The following ARHGAP36 variants were observed in gnomAD, a reference collection of about 807,000 sequenced individuals.
The protein encoded by ARHGAP36 is rho GTPase-activating protein 36.
Under a neutral mutation model 32.9 loss-of-function variants are expected in ARHGAP36, and 7 were observed. That is an observed-to-expected ratio of 0.21 (90% CI 0.12 to 0.40). The LOEUF (loss-of-function observed/expected upper bound fraction) is 0.40, where lower values mean the gene tolerates loss of function less well. ARHGAP36 is among the 10% of genes least tolerant of loss of function. The pLI, the probability that ARHGAP36 is intolerant of heterozygous loss-of-function variation, is 1.00. For missense variants in ARHGAP36, 383 were observed against 442.2 expected (o/e 0.87, Z 1.20); for synonymous variants, 165 against 168.3 (o/e 0.98, Z 0.15).
At chrX:131,075,400 T>C (rs564196148) in intron 1 of ARHGAP36, among the ~76,000 whole-genome samples, 2 of 110,677 alleles carry the variant, frequency 1.8e-5, no homozygotes, top group Admixed American at 1.9e-4. Flanking sequence ...CACAGGACCT[T>C]GCCAGGATAC....
chrX:131,069,506 C>T (rs1397415507), intron 1 of ARHGAP36, among the ~76,000 whole-genome samples: 1 of 111,000 alleles, frequency 9.0e-6, no homozygotes, highest in Non-Finnish European at 1.9e-5. Context: ...CAGAGGATGT[C>T]CATTCCCTCC....
intron 1 of ARHGAP36, among the ~76,000 whole-genome samples, chrX:131,071,037 TTG>T (rs1421496859): frequency 9.0e-6 from 1 of 111,166 alleles, no homozygotes; most frequent in African/African-American, 3.3e-5. Context: ...CTCCAATGTT[TTG>T]TGTTTTATCA....
intron 1 of ARHGAP36, among the ~76,000 whole-genome samples, chrX:131,077,412 CT>C (rs1188585503): frequency 2.8e-5 from 3 of 107,779 alleles, no homozygotes; most frequent in Admixed American, 9.8e-5. Context: ...GCAGTCCCTG[CT>C]TTTTTTTTTC....
chrX:131,078,106 A>AT (rs1313939410), intron 1 of ARHGAP36, among the ~76,000 whole-genome samples: 5 of 110,633 alleles, frequency 4.5e-5, no homozygotes, highest in Admixed American at 9.6e-5. Context: ...TTGAAACATG[A>AT]TTTTTTTTGT....
Position 131,083,738 on chromosome X carries a change from A to G in ARHGAP36, c.324A>G (p.Val108=). The G allele has an allele frequency of 8.3e-7, 1 of 1,210,482 alleles. No homozygotes were observed. Among genetic ancestry groups the G allele is most frequent in the Non-Finnish European group, 1.1e-6 (1 of 894,457 alleles). ...CTTTCTCTCGTGGCTCCCCAGCTGT[A>G]TCACACAAGACATTTGGCATTAGCC... ...FLILRGQQRA[V]SHKTFGISLE... The change falls in exon 4 of 12, where the codon GTA becomes GTG. Residue 108 remains valine, a synonymous_variant. Transcript: ENST00000276211.
At chrX:131,079,743 G>C (rs530325370) in intron 1 of ARHGAP36, among the ~76,000 whole-genome samples, 1 of 110,621 alleles carries the variant, frequency 9.0e-6, no homozygotes. Context: ...CAGTAAAGTT[G>C]TATGTAACTA....
intron 1 of ARHGAP36, among the ~76,000 whole-genome samples, chrX:131,080,452 G>C (rs113044550): frequency 9.0e-6 from 1 of 110,756 alleles, no homozygotes; most frequent in Non-Finnish European, 1.9e-5. Flanking sequence ...AATCTTTAGC[G>C]CCTGGCACAA....
chrX:131,067,734 A>C (rs1440208461), intron 1 of ARHGAP36, among the ~76,000 whole-genome samples: 3 of 111,427 alleles, frequency 2.7e-5, no homozygotes, highest in Non-Finnish European at 5.7e-5. Context: ...CGTCCACACC[A>C]CACACATGAG....
chrX:131,059,928 A>G (rs761376109), intron 1 of ARHGAP36, among the ~76,000 whole-genome samples: 7 of 111,597 alleles, frequency 6.3e-5, no homozygotes, highest in Non-Finnish European at 9.4e-5. Context: ...GAGGGAGTCC[A>G]TATTACACCA....
In ARHGAP36 at chrX:131,083,243, T is replaced by C. The variant is rs2079814858; in HGVS notation, c.319+13T>C. ...GGACAGCAGAGGGGTGAGGGGGCTC[T>C]TGTATTTTCTTTAGAAAAGAAATAG... On this transcript the variant is annotated intron_variant, in intron 3 of 11. Transcript: ENST00000276211. The C allele has an allele frequency of 8.4e-7, 1 of 1,197,350 alleles. No individual in the cohort carries two copies. Among genetic ancestry groups the C allele is most frequent in the South Asian group, 1.8e-5 (1 of 54,758 alleles).
chrX:131,071,258 C>A (rs778168603), intron 1 of ARHGAP36, among the ~76,000 whole-genome samples: 25 of 110,884 alleles, frequency 2.3e-4, no homozygotes, highest in African/African-American at 7.9e-4. Flanking sequence ...CAAACTGCTG[C>A]TCCCTCCCTT....
At chrX:131,062,696 T>C (rs1169904192) in intron 1 of ARHGAP36, among the ~76,000 whole-genome samples, 1 of 112,382 alleles carries the variant, frequency 8.9e-6, no homozygotes, top group East Asian at 2.8e-4. Flanking sequence ...ATGCTTTCTA[T>C]GGCTCAGTTA....
At chrX:131,080,610 T>C (rs1053951003) in intron 1 of ARHGAP36, among the ~76,000 whole-genome samples, 11 of 112,102 alleles carry the variant, frequency 9.8e-5, no homozygotes, top group Admixed American at 8.4e-4. Flanking sequence ...TAGTATAAGA[T>C]AGTGGGCATC....
At chrX:131,080,952 T>TA (rs752114124) in intron 1 of ARHGAP36, among the ~76,000 whole-genome samples, 2 of 112,266 alleles carry the variant, frequency 1.8e-5, no homozygotes, top group South Asian at 3.7e-4. Context: ...TATTTGTTGT[T>TA]AAAAAACTCT....
chrX:131,062,299 T>C (rs150716635), intron 1 of ARHGAP36, among the ~76,000 whole-genome samples: 3,366 of 112,381 alleles, frequency 0.03, 123 homozygotes, highest in African/African-American at 0.1. Context: ...CTATGTTTTC[T>C]AAAGTCTATG....
intron 1 of ARHGAP36, among the ~76,000 whole-genome samples, chrX:131,062,349 T>C (rs1304563533): frequency 8.9e-6 from 1 of 112,189 alleles, no homozygotes; most frequent in Non-Finnish European, 1.9e-5. Flanking sequence ...TAAAAAGGCA[T>C]ACAAGGGTAA....
intron 2 of ARHGAP36, 129 bp downstream of exon 2, chrX:131,082,047 CTGGCGTCTG>C: frequency 1.2e-6 from 1 of 856,922 alleles, no homozygotes; most frequent in Non-Finnish European, 1.6e-6. Context: ...ATCAGTTCTC[CTGGCGTCTG>C]GGGAACTGAA....
At position 131,058,413 on chromosome X, in the gene ARHGAP36, C is replaced by G. The variant is rs961029418; in HGVS notation, c.-174C>G. ...TGGCGTGGATACTGGACTGCCTTTT[C>G]GCCTCGGCCTTTGAGCCCCGCCCCC... is the stretch of plus-strand genomic sequence containing the variant. On this transcript the variant is annotated 5_prime_UTR_variant, in exon 1 of 12. Transcript: ENST00000276211. The G allele has an allele frequency of 1.8e-6, 2 of 1,099,951 alleles. No homozygotes were observed. Among genetic ancestry groups the G allele is most frequent in the Non-Finnish European group, 2.4e-6 (2 of 838,550 alleles). The allele number at this position is 1,099,951 out of a possible 1,213,427, so 90.6% of individuals were successfully genotyped here.
intron 1 of ARHGAP36, among the ~76,000 whole-genome samples, chrX:131,079,562 G>GC (rs2079783948): frequency 1.1e-5 from 1 of 93,138 alleles, no homozygotes; most frequent in African/African-American, 4.0e-5. Flanking sequence ...TTTGTTTTTT[G>GC]TTTTTTTTTT....
Sources: gnomAD v4.1 joint callset for allele counts (sites outside exome capture counted in the v4.1 genomes callset) on GRCh38, gnomAD v4.1.1 for gene constraint, MANE v1.5 for transcripts, NCBI Gene and HGNC (gene_info 2026-07-23, HGNC 2026-07-21) for gene names.